LOC400499: variants seen among roughly 807,000 people sequenced by gnomAD.
chr16:11,428,250 C>T, the LOC400499 span, among the ~76,000 whole-genome samples: 1 of 152,164 alleles, frequency 6.6e-6, no homozygotes, highest in Non-Finnish European at 1.5e-5. Context: ...TCTCTCACTG[C>T]AACCTCCACC....
At chr16:11,437,779 G>A in the LOC400499 span, among the ~76,000 whole-genome samples, 1 of 152,152 alleles carries the variant, frequency 6.6e-6, no homozygotes, top group African/African-American at 2.4e-5. Flanking sequence ...GGAGGCACAA[G>A]AATCGCTTGA....
chr16:11,385,582 C>T, the LOC400499 span, among the ~76,000 whole-genome samples: 1 of 152,222 alleles, frequency 6.6e-6, no homozygotes, highest in Non-Finnish European at 1.5e-5. Flanking sequence ...CCAGGGATCC[C>T]CCACCGGCTT....
chr16:11,426,118 G>C, the LOC400499 span, among the ~76,000 whole-genome samples: 485 of 152,298 alleles, frequency 3.2e-3, 8 homozygotes, highest in African/African-American at 0.011. Flanking sequence ...AAAGGCATTT[G>C]ACTATATTCA....
chr16:11,468,307 G>A, the LOC400499 span, among the ~76,000 whole-genome samples: 1 of 152,148 alleles, frequency 6.6e-6, no homozygotes, highest in Non-Finnish European at 1.5e-5. Flanking sequence ...TAACTTACAA[G>A]TTATACCTTT....
At chr16:11,482,395 G>A in the LOC400499 span, among the ~76,000 whole-genome samples, 1 of 152,174 alleles carries the variant, frequency 6.6e-6, no homozygotes, top group South Asian at 2.1e-4. Context: ...TCTGCAGAAG[G>A]TCCTACGAGA....
the LOC400499 span, among the ~76,000 whole-genome samples, chr16:11,509,145 G>C: frequency 7.2e-6 from 1 of 139,404 alleles, no homozygotes; most frequent in Non-Finnish European, 1.5e-5. Flanking sequence ...TTGAGACGGA[G>C]TCGCACTCTG....
chr16:11,498,980 G>A, the LOC400499 span, among the ~76,000 whole-genome samples: 1 of 143,444 alleles, frequency 7.0e-6, no homozygotes, highest in African/African-American at 2.6e-5. Flanking sequence ...TCTGAAATGA[G>A]GAAGTCCAGA....
At chr16:11,419,238 G>T in the LOC400499 span, among the ~76,000 whole-genome samples, 2 of 152,068 alleles carry the variant, frequency 1.3e-5, no homozygotes, top group East Asian at 1.9e-4. Flanking sequence ...CATGGTACTG[G>T]TACCAAAACA....
chr16:11,487,218 C>A, the LOC400499 span: 1 of 398,772 alleles, frequency 2.5e-6, no homozygotes, highest in Admixed American at 4.4e-5. Flanking sequence ...TGGCCCAAGT[C>A]TAGGAGAGGC....
chr16:11,391,827 C>G, the LOC400499 span: 11 of 1,232,294 alleles, frequency 8.9e-6, no homozygotes, highest in Middle Eastern at 3.1e-4. Flanking sequence ...CAGAAGGAGG[C>G]CTGCCACGCC....
chr16:11,460,533 T>G, the LOC400499 span: 1 of 1,535,572 alleles, frequency 6.5e-7, no homozygotes, highest in Non-Finnish European at 8.7e-7. Context: ...AGCTCCAGCC[T>G]GTAGGCACCG....
chr16:11,446,550 C>T, the LOC400499 span: 7 of 1,535,902 alleles, frequency 4.6e-6, no homozygotes, highest in East Asian at 2.4e-5. Context: ...CTGCTCTTAC[C>T]GTGTGCTGAT....
chr16:11,433,679 C>A, the LOC400499 span, among the ~76,000 whole-genome samples: 1 of 152,142 alleles, frequency 6.6e-6, no homozygotes, highest in African/African-American at 2.4e-5. Context: ...CCCCACATCC[C>A]ATCCTCTGAG....
At chr16:11,514,454 G>A in the LOC400499 span, 11 of 399,038 alleles carry the variant, frequency 2.8e-5, no homozygotes, top group East Asian at 3.6e-5. Flanking sequence ...AAGTGGCCCC[G>A]CGGAGTCCAG....
the LOC400499 span, among the ~76,000 whole-genome samples, chr16:11,497,549 A>C: frequency 6.6e-6 from 1 of 152,176 alleles, no homozygotes; most frequent in African/African-American, 2.4e-5. Flanking sequence ...TCCCAGACCA[A>C]AGCTGGAGCC....
chr16:11,504,726 C>G, the LOC400499 span, among the ~76,000 whole-genome samples: 1 of 152,084 alleles, frequency 6.6e-6, no homozygotes, highest in Non-Finnish European at 1.5e-5. Context: ...AGTTCAAGAC[C>G]AGCCTGGCCA....
chr16:11,437,958 TC>T, the LOC400499 span, among the ~76,000 whole-genome samples: 137 of 152,286 alleles, frequency 9.0e-4, no homozygotes, highest in African/African-American at 3.1e-3. Flanking sequence ...CCCGATGAGT[TC>T]GGGGGATCGA....
chr16:11,466,439 G>A, the LOC400499 span, among the ~76,000 whole-genome samples: 3 of 151,760 alleles, frequency 2.0e-5, no homozygotes, highest in Non-Finnish European at 2.9e-5. Flanking sequence ...CCAGGCTGCA[G>A]TAAAGTGGCG....
chr16:11,376,428 C>T, the LOC400499 span, among the ~76,000 whole-genome samples: 1 of 151,946 alleles, frequency 6.6e-6, no homozygotes, highest in Non-Finnish European at 1.5e-5. Context: ...CTAGTTTTCC[C>T]AACACCATTT....
Sources: gnomAD v4.1 joint callset for allele counts (sites outside exome capture counted in the v4.1 genomes callset) on GRCh38, gnomAD v4.1.1 for gene constraint, MANE v1.5 for transcripts.